The following MMP16 variants were observed in gnomAD, a reference collection of about 807,000 sequenced individuals.
MMP16 encodes the protein matrix metallopeptidase 16, also known as matrix metalloproteinase-16.
MMP16 carries 12 observed loss-of-function variants against 67.8 expected under a neutral mutation model. The observed-to-expected ratio is 0.18, with a 90% CI of 0.11 to 0.29. The LOEUF is 0.29. MMP16 is among the 10% of genes least tolerant of loss of function. The pLI is 1.00. For missense variants in MMP16, 475 were observed against 765.7 expected, an observed-to-expected ratio of 0.62 and a Z score of 4.48; for synonymous variants, 249 against 255.9, an observed-to-expected ratio of 0.97 and a Z score of 0.26.
chr8:88,099,601 A>C (rs1260293637), intron 6 of MMP16, among the ~76,000 whole-genome samples: 3 of 151,782 alleles, frequency 2.0e-5, no homozygotes, highest in Non-Finnish European at 2.9e-5. Context: ...CAATAACTGA[A>C]ATTCTCATCA....
At chr8:88,200,655 T>C (rs958392359) in intron 1 of MMP16, among the ~76,000 whole-genome samples, 1 of 151,998 alleles carries the variant, frequency 6.6e-6, no homozygotes, top group Non-Finnish European at 1.5e-5. Context: ...TACTAGATTA[T>C]AGTACAAATA....
intron 4 of MMP16, among the ~76,000 whole-genome samples, chr8:88,142,188 G>C (rs1808223234): frequency 6.6e-6 from 1 of 151,994 alleles, no homozygotes; most frequent in African/African-American, 2.4e-5. Flanking sequence ...AGGATTACAG[G>C]CGTGAGCCAC....
intron 4 of MMP16, among the ~76,000 whole-genome samples, chr8:88,135,790 T>TA (rs1808109172): frequency 1.3e-5 from 2 of 151,748 alleles, no homozygotes; most frequent in South Asian, 4.1e-4. Flanking sequence ...GCAGACAATA[T>TA]AAAAAACTAT....
chr8:88,225,788 G>C (rs571105894), intron 1 of MMP16, among the ~76,000 whole-genome samples: 1 of 152,012 alleles, frequency 6.6e-6, no homozygotes, highest in South Asian at 2.1e-4. Flanking sequence ...CCATGAGGTT[G>C]CTCATTTCCC....
intron 1 of MMP16, among the ~76,000 whole-genome samples, chr8:88,231,823 T>TA (rs902960068): frequency 2.0e-5 from 3 of 152,284 alleles, no homozygotes; most frequent in East Asian, 1.9e-4. Context: ...GACCATTTTT[T>TA]AAAAAAGTTT....
chr8:88,133,431 C>A (rs775671431), intron 4 of MMP16, among the ~76,000 whole-genome samples: 21 of 151,924 alleles, frequency 1.4e-4, no homozygotes, highest in Middle Eastern at 3.4e-3. Context: ...TCCTCAGTTA[C>A]TGTTCTACAA....
intron 1 of MMP16, among the ~76,000 whole-genome samples, chr8:88,304,682 A>G (rs1470038239): frequency 6.6e-6 from 1 of 152,252 alleles, no homozygotes; most frequent in Non-Finnish European, 1.5e-5. Flanking sequence ...CCAGAATTTC[A>G]TATCAAGCCA....
chr8:88,194,207 TCC>T (rs1809215208), intron 2 of MMP16, among the ~76,000 whole-genome samples: 1 of 152,016 alleles, frequency 6.6e-6, no homozygotes, highest in Admixed American at 6.6e-5. Flanking sequence ...ATTCAATGCA[TCC>T]CATGTCTATC....
chr8:88,164,850 T>C (rs1388882994), intron 4 of MMP16, among the ~76,000 whole-genome samples: 1 of 151,808 alleles, frequency 6.6e-6, no homozygotes, highest in African/African-American at 2.4e-5. Context: ...CAAAAGTGCA[T>C]TGACGTGATT....
chr8:88,222,652 C>A (rs1809702424), intron 1 of MMP16, among the ~76,000 whole-genome samples: 1 of 152,130 alleles, frequency 6.6e-6, no homozygotes, highest in Non-Finnish European at 1.5e-5. Context: ...AAGTAGAAAG[C>A]TAAAACTGGA....
At chr8:88,146,905 T>C (rs1388542597) in intron 4 of MMP16, among the ~76,000 whole-genome samples, 2 of 152,060 alleles carry the variant, frequency 1.3e-5, no homozygotes, top group East Asian at 1.9e-4. Flanking sequence ...CCCCAACTGT[T>C]TGAACAATTT....
chr8:88,130,543 A>C (rs563538477), intron 4 of MMP16, among the ~76,000 whole-genome samples: 1 of 151,844 alleles, frequency 6.6e-6, no homozygotes, highest in East Asian at 1.9e-4. Flanking sequence ...CTGTAACTAA[A>C]ATTCATATTT....
At chr8:88,118,672 T>G (rs1809479085) in intron 5 of MMP16, 28 bp downstream of exon 5, 1 of 1,600,312 alleles carries the variant, frequency 6.2e-7, no homozygotes, top group South Asian at 1.1e-5. Context: ...ACTATCGGAT[T>G]AAGCAAATTG....
intron 6 of MMP16, among the ~76,000 whole-genome samples, chr8:88,115,555 T>C (rs952070068): frequency 6.6e-6 from 1 of 152,096 alleles, no homozygotes; most frequent in African/African-American, 2.4e-5. Flanking sequence ...GTTAAAATTA[T>C]ACGAAATCTG....
At chr8:88,301,256 T>C (rs982480536) in intron 1 of MMP16, among the ~76,000 whole-genome samples, 12 of 152,136 alleles carry the variant, frequency 7.9e-5, no homozygotes, top group Non-Finnish European at 1.5e-4. Context: ...CAGCCTTCTC[T>C]CGTTCCCTCA....
At chr8:88,135,423 T>C (rs1050070008) in intron 4 of MMP16, among the ~76,000 whole-genome samples, 2 of 151,748 alleles carry the variant, frequency 1.3e-5, no homozygotes, top group African/African-American at 4.8e-5. Context: ...TTTACAAGTG[T>C]TGCAGGTTCT....
chr8:88,075,620 T>C (rs1305601214), intron 6 of MMP16, among the ~76,000 whole-genome samples: 3 of 152,132 alleles, frequency 2.0e-5, no homozygotes, highest in Non-Finnish European at 4.4e-5. Context: ...TTGAAATAAA[T>C]GAAAGGCTAC....
intron 1 of MMP16, among the ~76,000 whole-genome samples, chr8:88,250,824 T>C (rs1013224196): frequency 6.6e-6 from 1 of 151,602 alleles, no homozygotes; most frequent in Non-Finnish European, 1.5e-5. Context: ...ATGTGCACAT[T>C]GTGCAGGTTA....
chr8:88,229,535 A>G (rs1481485481), intron 1 of MMP16, among the ~76,000 whole-genome samples: 2 of 152,090 alleles, frequency 1.3e-5, no homozygotes, highest in African/African-American at 4.8e-5. Flanking sequence ...GAGGTAAGAA[A>G]TAGTTCGTTT....
Sources: gnomAD v4.1 joint callset for allele counts (sites outside exome capture counted in the v4.1 genomes callset) on GRCh38, gnomAD v4.1.1 for gene constraint, MANE v1.5 for transcripts, NCBI Gene and HGNC (gene_info 2026-07-23, HGNC 2026-07-21) for gene names.